CMTM4: variants seen among roughly 807,000 people sequenced by gnomAD.
CMTM4 encodes CKLF like MARVEL transmembrane domain containing 4.
CMTM4 carries 8 observed loss-of-function variants against 19.0 expected under a neutral mutation model. That is an observed-to-expected ratio of 0.42 (90% CI 0.25 to 0.76). The LOEUF is 0.76. CMTM4 is among the 30% of genes least tolerant of loss of function. CMTM4 has a pLI of 0.27. For synonymous variants in CMTM4, 106 were observed against 121.1 expected (o/e 0.88, Z 0.82); for missense variants, 228 against 290.2 (o/e 0.79, Z 1.56).
chr16:66,609,859 G>A (rs2015308321), downstream of CMTM4: 1 of 1,614,188 alleles, frequency 6.2e-7, no homozygotes, highest in Non-Finnish European at 8.5e-7. The surrounding 1 kb of genome is among the most constrained non-coding windows in gnomAD (Gnocchi z 4.4). Flanking sequence ...GCCCTGTGAT[G>A]CATCCCATCC....
At chr16:66,633,486 C>A (rs1337326920) in intron 2 of CMTM4, among the ~76,000 whole-genome samples, 1 of 152,024 alleles carries the variant, frequency 6.6e-6, no homozygotes. Context: ...CACTTTTTCA[C>A]CCCTCTCAGA....
downstream of CMTM4, chr16:66,610,010 G>A (rs370422293): frequency 3.9e-5 from 63 of 1,614,144 alleles, 1 homozygote; most frequent in African/African-American, 2.0e-4. The surrounding 1 kb of genome is among the most constrained non-coding windows in gnomAD (Gnocchi z 4.6). Flanking sequence ...GAAGGTAAGC[G>A]GCTGCCCTGA....
intron 1 of CMTM4, among the ~76,000 whole-genome samples, chr16:66,681,027 T>A (rs1344040001): frequency 6.6e-6 from 1 of 152,108 alleles, no homozygotes; most frequent in African/African-American, 2.4e-5. Context: ...AACTGAAAAT[T>A]TTCTAATAGC....
Position 66,620,933 on chromosome 16 carries a change from G to C in CMTM4, c.*1125C>G. ...ATCAATCAGAAACCTTAAGTAGCTAGGATTTTTCCCCCCAACAACTCCCAA... is the reference window on the plus strand; with the variant it reads ...ATCAATCAGAAACCTTAAGTAGCTACGATTTTTCCCCCCAACAACTCCCAA... On this transcript the variant is annotated 3_prime_UTR_variant, in exon 4 of 4. Coordinates refer to ENST00000394106, the MANE Select transcript of CMTM4 (RefSeq NM_181521.3). 4.1e-6 allele frequency: 4 copies of C among 985,798 alleles called. No individual in the cohort carries two copies. The highest frequency in any genetic ancestry group is 4.8e-6 in the Non-Finnish European group (4 of 829,930). The allele number at this position is 985,798 out of a possible 1,614,324, so 61.1% of individuals were successfully genotyped here.
intron 2 of CMTM4, 85 bp from the exon 3 acceptor site, chr16:66,623,587 C>T (rs2015680187): frequency 1.2e-6 from 1 of 854,762 alleles, no homozygotes; most frequent in Non-Finnish European, 1.8e-6. Flanking sequence ...CAAAATAAGA[C>T]CCACGATACC....
At chr16:66,654,247 A>G (rs963534357) in intron 1 of CMTM4, among the ~76,000 whole-genome samples, 2 of 152,158 alleles carry the variant, frequency 1.3e-5, no homozygotes, top group South Asian at 2.1e-4. Context: ...ACCAGCCAAG[A>G]TAAGTCTTGT....
chr16:66,636,673 A>G, intron 1 of CMTM4, 92 bp from the exon 2 acceptor site: 2 of 1,011,296 alleles, frequency 2.0e-6, no homozygotes, highest in Non-Finnish European at 3.0e-6. Flanking sequence ...ACACTGAACA[A>G]CAACATACTG....
chr16:66,598,601 T>C, the CMTM4 span, among the ~76,000 whole-genome samples: 1 of 152,162 alleles, frequency 6.6e-6, no homozygotes. Flanking sequence ...CAACCACCGA[T>C]CTGATTTCTG....
At chr16:66,689,607 A>G (rs1293364946) in intron 1 of CMTM4, among the ~76,000 whole-genome samples, 1 of 151,938 alleles carries the variant, frequency 6.6e-6, no homozygotes, top group East Asian at 1.9e-4. Flanking sequence ...GGGATTCACC[A>G]TGTTGCCCAG....
chr16:66,636,362 G>A, intron 2 of CMTM4, 43 bp downstream of exon 2: 1 of 1,540,818 alleles, frequency 6.5e-7, no homozygotes, highest in Non-Finnish European at 8.9e-7. Flanking sequence ...GGAGCCAACA[G>A]GCACGTGATC....
chr16:66,608,451 G>T, the CMTM4 span: 1 of 1,613,944 alleles, frequency 6.2e-7, no homozygotes, highest in Non-Finnish European at 8.5e-7. The surrounding 1 kb of genome is among the most constrained non-coding windows in gnomAD (Gnocchi z 5.1). Context: ...CAGGGCTTGT[G>T]CTGGCCCATG....
intron 2 of CMTM4, among the ~76,000 whole-genome samples, chr16:66,632,670 A>G (rs2015896520): frequency 6.6e-6 from 1 of 152,106 alleles, no homozygotes; most frequent in Non-Finnish European, 1.5e-5. Context: ...AGGATCAGAC[A>G]CGCCTTTTAG....
At chr16:66,630,387 G>C (rs1449933059) in intron 2 of CMTM4, among the ~76,000 whole-genome samples, 2 of 139,948 alleles carry the variant, frequency 1.4e-5, no homozygotes, top group East Asian at 2.2e-4. Context: ...CTCTGATGCC[G>C]AGCCGAAGCT....
At chr16:66,679,537 G>A (rs1489425554) in intron 1 of CMTM4, among the ~76,000 whole-genome samples, 1 of 151,964 alleles carries the variant, frequency 6.6e-6, no homozygotes, top group African/African-American at 2.4e-5. Context: ...AGATGGGACT[G>A]ATGAGGCCGG....
chr16:66,660,691 G>A (rs907499447), intron 1 of CMTM4, among the ~76,000 whole-genome samples: 4 of 152,120 alleles, frequency 2.6e-5, no homozygotes, highest in African/African-American at 9.7e-5. Context: ...TATTACTTGT[G>A]TGATTTCTTT....
chr16:66,672,315 G>T (rs1874067025), intron 1 of CMTM4, among the ~76,000 whole-genome samples: 1 of 149,482 alleles, frequency 6.7e-6, no homozygotes, highest in Non-Finnish European at 1.5e-5. Flanking sequence ...TGAAGCAGGA[G>T]AATCACTTGA....
At chr16:66,633,222 A>G (rs919303473) in intron 2 of CMTM4, among the ~76,000 whole-genome samples, 2 of 150,854 alleles carry the variant, frequency 1.3e-5, no homozygotes, top group African/African-American at 4.9e-5. Context: ...AATTCCATCA[A>G]ATTATGCTTG....
At chr16:66,608,590 G>T in the CMTM4 span, 2 of 897,236 alleles carry the variant, frequency 2.2e-6, no homozygotes, top group East Asian at 2.6e-5. The surrounding 1 kb of genome is among the most constrained non-coding windows in gnomAD (Gnocchi z 5.1). Flanking sequence ...GGTTAGAACT[G>T]GATGGAGAGA....
intron 1 of CMTM4, among the ~76,000 whole-genome samples, chr16:66,646,304 C>CT (rs1461731933): frequency 6.6e-6 from 1 of 151,906 alleles, no homozygotes; most frequent in Non-Finnish European, 1.5e-5. Flanking sequence ...GAGATTTTAC[C>CT]TTTTTTAATT....
Sources: allele counts gnomAD v4.1 joint callset (sites outside exome capture counted in the v4.1 genomes callset), GRCh38; gene constraint gnomAD v4.1.1; non-coding constraint Gnocchi (gnomAD v3.1); transcripts MANE v1.5; gene names NCBI Gene and HGNC (gene_info 2026-07-23, HGNC 2026-07-21).